Variants in MTX3 observed in about 807,000 individuals in gnomAD.
The protein encoded by MTX3 is metaxin 3.
A neutral mutation model predicts 42.5 loss-of-function variants in MTX3; 27 were observed. That is an observed-to-expected ratio of 0.64 (90% CI 0.47 to 0.88). The LOEUF (loss-of-function observed/expected upper bound fraction) is 0.88, where lower values mean the gene tolerates loss of function less well. Among genes scored for constraint, MTX3 ranks in the 40% least tolerant of loss-of-function variants. The pLI, the probability that MTX3 is intolerant of heterozygous loss-of-function variation, is 0.00. For missense variants in MTX3, 378 were observed against 367.0 expected (o/e 1.03, Z -0.25); for synonymous variants, 144 against 132.9 (o/e 1.08, Z -0.57).
At chr5:79,991,114 C>A in intron 1 of MTX3, 44 bp downstream of exon 1, 1 of 1,526,344 alleles carries the variant, frequency 6.6e-7, no homozygotes, top group Admixed American at 2.0e-5. Flanking sequence ...GCGCCTCCAG[C>A]CCCGCCCCTT....
Position 79,982,712 on chromosome 5 carries a change from G to C in MTX3, c.*972C>G, listed in dbSNP as rs1831400712. Reference sequence around the variant, plus strand: ...GTTGTCAGAAAGCTTTTGACTACATGATATGCATCTTATGAAAGAATATGC... The same window carrying C: ...GTTGTCAGAAAGCTTTTGACTACATCATATGCATCTTATGAAAGAATATGC... On this transcript the variant is annotated 3_prime_UTR_variant, in exon 9 of 9. Coordinates refer to ENST00000512528, the MANE Select transcript of MTX3 (RefSeq NM_001363818.2). 1 of 222,350 alleles carries C rather than the reference G, an allele frequency of 4.5e-6. No homozygotes were observed. Among genetic ancestry groups the C allele is most frequent in the South Asian group, 6.1e-5 (1 of 16,390 alleles). The allele number at this position is 222,350 out of a possible 1,614,324, so 13.8% of individuals were successfully genotyped here. A position where few individuals can be genotyped will look rare whatever the true frequency, so the allele number is the denominator to read the frequency against.
chr5:79,989,071 T>C (rs1178538435), intron 4 of MTX3, 81 bp downstream of exon 4: 1 of 969,732 alleles, frequency 1.0e-6, no homozygotes, highest in African/African-American at 1.7e-5. Flanking sequence ...CTTAAGACTT[T>C]TCTCATTGGT....
In MTX3 at chr5:79,987,138, A is replaced by G. The variant is rs780226347; in HGVS notation, c.582-31T>C. The G allele has an allele frequency of 1.0e-5, 16 of 1,603,854 alleles. 1 individual carries two copies. The South Asian group carries it at 1.2e-4, about 12-fold the overall frequency. On this transcript the variant is annotated intron_variant, in intron 6 of 8. Coordinates refer to ENST00000512528, the MANE Select transcript of MTX3 (RefSeq NM_001363818.2). Reference sequence around the variant, plus strand: ...AATAAATTAAGGATTTTTAAAGCACATAAGACAATATTAACTGAAGGCCGG... The same window carrying G: ...AATAAATTAAGGATTTTTAAAGCACGTAAGACAATATTAACTGAAGGCCGG...
intron 2 of MTX3, 52 bp downstream of exon 2, chr5:79,990,542 G>A (rs544505307): frequency 8.4e-7 from 1 of 1,194,174 alleles, no homozygotes; most frequent in Non-Finnish European, 1.2e-6. Context: ...GCTTTAAATG[G>A]AAGAAGAAAA....
rs1831269294 is a variant in MTX3 at position 79,977,151 on chromosome 5, A to T, written c.*6533T>A. The T allele has an allele frequency of 6.6e-6, 1 of 152,246 alleles. No homozygotes were observed. The highest frequency in any genetic ancestry group is 2.4e-5 in the African/African-American group (1 of 41,476). The allele number at this position is 152,246 out of a possible 1,614,324, so 9.4% of individuals were successfully genotyped here. On this transcript the variant is annotated 3_prime_UTR_variant, in exon 9 of 9. Transcript: ENST00000512528. ...GAAAAATGGAAAAACATTATTTCCC[A>T]TTTCATAAAATTAAAAATCAAGTCA...
chr5:79,977,042 T>C lies in MTX3; in HGVS notation c.*6642A>G, dbSNP rs938890152. On this transcript the variant is annotated 3_prime_UTR_variant, in exon 9 of 9. Transcript: ENST00000512528. The stretch of plus-strand genomic sequence containing the variant: ...AACTAATATGCATACTACATACATA[T>C]ATTTCTTGTCTTCTTTACTGTCAAT... 8 of 152,222 alleles carry C rather than the reference T, an allele frequency of 5.3e-5. No homozygotes were observed. The highest frequency in any genetic ancestry group is 3.9e-4 in the Admixed American group (6 of 15,288). The allele number at this position is 152,222 out of a possible 1,614,324, so 9.4% of individuals were successfully genotyped here.
At chr5:79,990,494 G>C (rs1831615955) in intron 2 of MTX3, 100 bp downstream of exon 2, 2 of 823,046 alleles carry the variant, frequency 2.4e-6, no homozygotes, top group Admixed American at 3.1e-5. Flanking sequence ...GTCACGGTAA[G>C]AAACTAAATC....
At chr5:79,986,344 T>A (rs1419042017) in intron 7 of MTX3, among the ~76,000 whole-genome samples, 1 of 152,216 alleles carries the variant, frequency 6.6e-6, no homozygotes, top group East Asian at 1.9e-4. Flanking sequence ...TATAACCTGT[T>A]TCTTAAAAGG....
chr5:79,988,373 A>T, intron 5 of MTX3, 58 bp from the exon 6 acceptor site: 2 of 1,512,086 alleles, frequency 1.3e-6, no homozygotes, highest in Non-Finnish European at 9.0e-7. Flanking sequence ...ACTACTTTTG[A>T]GGAAGGCATC....
intron 2 of MTX3, 24 bp from the exon 3 acceptor site, chr5:79,990,260 T>TA (rs1831606538): frequency 6.6e-7 from 1 of 1,519,052 alleles, no homozygotes; most frequent in Admixed American, 1.8e-5. Flanking sequence ...ACAGTTTACA[T>TA]ACAAGGACAC....
chr5:79,987,381 A>G (rs1037129312), intron 6 of MTX3, among the ~76,000 whole-genome samples: 1 of 150,722 alleles, frequency 6.6e-6, no homozygotes, highest in African/African-American at 2.4e-5. Flanking sequence ...CGGAGGTTGC[A>G]ATGAGCCAAG....
rs540157305 is a variant in MTX3, at chr5:79,989,288, CA to C, written c.229-45del. 612 of 1,268,012 alleles carry C rather than the reference CA, an allele frequency of 4.8e-4. 8 individuals carry two copies. In the South Asian group the frequency reaches 8.0e-3, roughly 16 times the overall value. The allele number at this position is 1,268,012 out of a possible 1,614,324, so 78.5% of individuals were successfully genotyped here. The stretch of plus-strand genomic sequence containing the variant: ...CCAAAGAAACTCAGAAGTCAAAGAG[CA>C]GCCCAAAGACAGTAAAACTAATCAA... On this transcript the variant is annotated intron_variant, in intron 3 of 8. Transcript: ENST00000512528.
In MTX3 at chr5:79,983,429, T is replaced by C. The variant is rs375154317; in HGVS notation, c.*255A>G. The C allele has an allele frequency of 7.9e-6, 4 of 503,952 alleles. No homozygotes were observed. The highest frequency in any genetic ancestry group is 3.7e-5 in the East Asian group (1 of 27,034). 31.2% of individuals were successfully genotyped at this position (503,952 alleles called of 1,614,324 possible). ...GCCATGATTAAGGCAGTTCTTTGTA[T>C]ACAGTACGATGTGTTTTTCTTCCCC... On this transcript the variant is annotated 3_prime_UTR_variant, in exon 9 of 9. Transcript: ENST00000512528.
Position 79,988,259 on chromosome 5 carries a change from A to C in MTX3, c.561T>G (p.Ser187=), listed in dbSNP as rs1490356779. 1.9e-6 allele frequency: 3 copies of C among 1,548,826 alleles called. No individual in the cohort carries two copies. Among genetic ancestry groups the C allele is most frequent in the Non-Finnish European group, 2.6e-6 (3 of 1,141,440 alleles). The change falls in exon 6 of 9, where the codon TCT becomes TCG. Residue 187 remains serine, a synonymous_variant. Coordinates refer to ENST00000512528, the MANE Select transcript of MTX3 (RefSeq NM_001363818.2). ...CTCACGTATCTCCAAAGAAAAACTG[A>C]GATGTTCCCAATCTGTTTGATAGAA... ...LNLLSNRLGT[S]QFFFGDTPST...
intron 3 of MTX3, 116 bp downstream of exon 3, chr5:79,990,044 C>T: frequency 1.9e-6 from 1 of 526,140 alleles, no homozygotes; most frequent in South Asian, 3.9e-5. Flanking sequence ...TACATCTTGT[C>T]CCAGGTATCT....
chr5:79,990,205 G>A lies in MTX3; in HGVS notation c.183C>T (p.Asp61=), dbSNP rs982728168. 3.1e-6 allele frequency: 5 copies of A among 1,609,684 alleles called. No individual in the cohort carries two copies. The highest frequency in any genetic ancestry group is 4.2e-6 in the Non-Finnish European group (5 of 1,178,128). ...GDVPILTTED[D]MVSQPAKILN... ...GTATTTTTGCTGGCTGAGAAACCAT[G>A]TCGTCTTCAGTTGTCAAAATTGGTA... The change falls in exon 3 of 9, where the codon GAC becomes GAT. Residue 61 remains aspartate (D), a synonymous_variant. Coordinates refer to ENST00000512528, the MANE Select transcript of MTX3 (RefSeq NM_001363818.2).
intron 7 of MTX3, among the ~76,000 whole-genome samples, chr5:79,986,488 G>A (rs1831493126): frequency 6.6e-6 from 1 of 152,218 alleles, no homozygotes; most frequent in South Asian, 2.1e-4. Context: ...GATGCAATCA[G>A]TTTTCAAGTA....
intron 2 of MTX3, 79 bp from the exon 3 acceptor site, chr5:79,990,315 C>T (rs960458628): frequency 5.1e-6 from 5 of 986,082 alleles, no homozygotes; most frequent in East Asian, 2.7e-5. Flanking sequence ...AAAACTATAG[C>T]AGTTGCACAT....
intron 6 of MTX3, 42 bp from the exon 7 acceptor site, chr5:79,987,149 T>C (rs768798721): frequency 5.0e-6 from 8 of 1,587,462 alleles, no homozygotes; most frequent in Admixed American, 1.7e-5. Flanking sequence ...TAAGACAATA[T>C]TAACTGAAGG....
Sources: allele counts gnomAD v4.1 joint callset (sites outside exome capture counted in the v4.1 genomes callset), GRCh38; gene constraint gnomAD v4.1.1; transcripts MANE v1.5; gene names NCBI Gene and HGNC (gene_info 2026-07-23, HGNC 2026-07-21).